The following PCDH15 variants were observed in gnomAD, a reference collection of about 807,000 sequenced individuals.
PCDH15 encodes protocadherin related 15.
PCDH15 carries 129 observed loss-of-function variants against 178.5 expected under a neutral mutation model. That is an observed-to-expected ratio of 0.72 (90% CI 0.63 to 0.84). The LOEUF (loss-of-function observed/expected upper bound fraction) is 0.84. Among genes scored for constraint, PCDH15 ranks in the 40% least tolerant of loss-of-function variants. The pLI is 0.00. For synonymous variants in PCDH15, 800 were observed against 732.0 expected, an observed-to-expected ratio of 1.09 and a Z score of -1.50; for missense variants, 2,230 against 2,099.9, an observed-to-expected ratio of 1.06 and a Z score of -1.21.
chr10:53,808,775 C>G, intron 37 of PCDH15: 1 of 1,612,204 alleles, frequency 6.2e-7, no homozygotes, highest in Non-Finnish European at 8.5e-7. Context: ...TACGCTGGTA[C>G]CTGATAGCCC....
At chr10:55,425,434 G>C (rs1033868962) in intron 2 of PCDH15, among the ~76,000 whole-genome samples, 4 of 151,894 alleles carry the variant, frequency 2.6e-5, no homozygotes, top group African/African-American at 9.7e-5. Context: ...ATCATAATTA[G>C]AGACTTTCTA....
intron 2 of PCDH15, among the ~76,000 whole-genome samples, chr10:55,080,566 T>C (rs1484357509): frequency 6.6e-6 from 1 of 152,026 alleles, no homozygotes; most frequent in Non-Finnish European, 1.5e-5. Flanking sequence ...GGGTAGTACA[T>C]TATTTGGTCC....
chr10:54,923,149 C>A (rs1021209208), intron 2 of PCDH15, among the ~76,000 whole-genome samples: 2 of 138,482 alleles, frequency 1.4e-5, no homozygotes, highest in African/African-American at 2.5e-5. Context: ...ATTGTACCCT[C>A]TGAAGCAACA....
chr10:55,108,744 T>C (rs1303862798), intron 2 of PCDH15, among the ~76,000 whole-genome samples: 1 of 151,624 alleles, frequency 6.6e-6, no homozygotes, highest in East Asian at 1.9e-4. Flanking sequence ...TAGGGAGAAA[T>C]CATGGCTAGT....
chr10:53,959,213 T>A (rs2087995090), intron 23 of PCDH15, among the ~76,000 whole-genome samples: 1 of 148,748 alleles, frequency 6.7e-6, no homozygotes, highest in South Asian at 2.1e-4. Flanking sequence ...TATATAAATT[T>A]ATGTATACAC....
intron 2 of PCDH15, among the ~76,000 whole-genome samples, chr10:55,614,583 C>T (rs1843437752): frequency 6.6e-6 from 1 of 152,070 alleles, no homozygotes; most frequent in South Asian, 2.1e-4. Context: ...ATTCAAAATA[C>T]CCTTCCTTCT....
chr10:54,264,476 A>G lies in PCDH15; in HGVS notation c.877-27545T>C. On this transcript the variant is annotated intron_variant, in intron 8 of 37. Coordinates refer to ENST00000644397, the MANE Select transcript of PCDH15 (RefSeq NM_001384140.1). ...AGAAGATGGATGGCAAGGAAAGTCA[A>G]TGAGACATAAGATAAAATTGAAATC... Among the ~76,000 whole-genome samples, 2 of 152,184 alleles carry G rather than the reference A, an allele frequency of 1.3e-5. 1 individual carries two copies. The highest frequency in any genetic ancestry group is 3.9e-4 in the East Asian group (2 of 5,182).
chr10:54,177,742 T>G (rs567476366), intron 13 of PCDH15, among the ~76,000 whole-genome samples: 1 of 152,266 alleles, frequency 6.6e-6, no homozygotes, highest in East Asian at 1.9e-4. Context: ...CTGTGGAACC[T>G]AAAGATTAAT....
chr10:55,582,520 T>C (rs113839762), intron 2 of PCDH15, among the ~76,000 whole-genome samples: 2,006 of 150,128 alleles, frequency 0.013, 55 homozygotes, highest in African/African-American at 0.047. Context: ...AGATAAAATA[T>C]AGGGCCATAT....
chr10:54,771,420 A>G (rs1349095715), intron 1 of PCDH15, among the ~76,000 whole-genome samples: 1 of 152,150 alleles, frequency 6.6e-6, no homozygotes, highest in Non-Finnish European at 1.5e-5. Flanking sequence ...TTGGTTAGAC[A>G]TTTGATCATA....
In PCDH15 at chr10:54,677,288, G is replaced by A. The variant is rs75109867; in HGVS notation, c.-28-12998C>T. Among the ~76,000 whole-genome samples, 65 of 152,258 alleles carry A rather than the reference G, an allele frequency of 4.3e-4. No homozygotes were observed. In the East Asian group the frequency reaches 0.012, roughly 28 times the overall value. On this transcript the variant is annotated intron_variant, in intron 1 of 37. Coordinates refer to ENST00000644397, the MANE Select transcript of PCDH15 (RefSeq NM_001384140.1). ...TACCACTCTCCAGAGGCTGATGGGGGAGGATGGTTTGAGCCCAGGAGTTCA... is the reference window on the plus strand; with the variant it reads ...TACCACTCTCCAGAGGCTGATGGGGAAGGATGGTTTGAGCCCAGGAGTTCA...
intron 3 of PCDH15, among the ~76,000 whole-genome samples, chr10:54,870,206 G>T (rs1954012125): frequency 1.3e-5 from 2 of 152,154 alleles, no homozygotes; most frequent in Non-Finnish European, 2.9e-5. Context: ...GACACAAGTA[G>T]TTGTTAACAT....
intron 2 of PCDH15, among the ~76,000 whole-genome samples, chr10:54,963,063 G>A (rs556721179): frequency 3.0e-4 from 45 of 152,268 alleles, no homozygotes; most frequent in Admixed American, 3.3e-4. Context: ...AAATCTCTAC[G>A]TAGAAGGTTT....
At chr10:54,659,995 A>T (rs978887253) in intron 2 of PCDH15, among the ~76,000 whole-genome samples, 1 of 152,118 alleles carries the variant, frequency 6.6e-6, no homozygotes, top group Admixed American at 6.6e-5. Context: ...AATATCTTAA[A>T]TTAATAATCC....
chr10:55,287,226 G>A (rs757226238), intron 1 of PCDH15, among the ~76,000 whole-genome samples: 1 of 152,034 alleles, frequency 6.6e-6, no homozygotes, highest in African/African-American at 2.4e-5. Flanking sequence ...CAATGAGTCT[G>A]TAATCAGTTT....
Position 54,219,199 on chromosome 10 carries a change from A to C in PCDH15, c.986-5151T>G, listed in dbSNP as rs188953375. On this transcript the variant is annotated intron_variant, in intron 9 of 37. Transcript: ENST00000644397. ...TTGAGGCAGGAGAATGGCGTGAACC[A>C]AGGAGGCTGAGCTTGCAGTGAGCTG... Among the ~76,000 whole-genome samples the C allele has an allele frequency of 9.6e-3, 1,425 of 148,564 alleles. 19 individuals carry two copies. The highest frequency in any genetic ancestry group is 0.031 in the African/African-American group (1,235 of 40,298).
At chr10:54,819,796 T>A (rs144634872) in intron 3 of PCDH15, among the ~76,000 whole-genome samples, 1 of 152,160 alleles carries the variant, frequency 6.6e-6, no homozygotes, top group Middle Eastern at 3.4e-3. Context: ...GTTCAATACA[T>A]TTTTAAGCAC....
At chr10:54,804,249 C>T (rs1473883149), upstream of PCDH15, among the ~76,000 whole-genome samples, 2 of 152,156 alleles carry the variant, frequency 1.3e-5, no homozygotes, top group East Asian at 3.9e-4. Flanking sequence ...CCATGTTAGC[C>T]AGGATGGTCT....
intron 14 of PCDH15, among the ~76,000 whole-genome samples, chr10:54,135,258 C>T (rs1394170995): frequency 3.3e-5 from 5 of 151,670 alleles, no homozygotes; most frequent in Non-Finnish European, 7.4e-5. Context: ...CTAAAGTAAT[C>T]TCACTTTAAA....
Sources: allele counts gnomAD v4.1 joint callset (sites outside exome capture counted in the v4.1 genomes callset), GRCh38; gene constraint gnomAD v4.1.1; transcripts MANE v1.5; gene names NCBI Gene and HGNC (gene_info 2026-07-23, HGNC 2026-07-21).